LEKR1: variants seen among roughly 807,000 people sequenced by gnomAD.
LEKR1 encodes protein LEKR1.
A neutral mutation model predicts 72.4 loss-of-function variants in LEKR1; 59 were observed. The observed-to-expected ratio is 0.82, with a 90% CI of 0.66 to 1.01. The LOEUF (loss-of-function observed/expected upper bound fraction) is 1.01. Ranked by LOEUF, LEKR1 falls within the 50% of genes least tolerant of loss-of-function variation. The probability of loss-of-function intolerance (pLI) is 0.00; values close to 1 mark genes in which losing one functional copy is unlikely to be tolerated. For synonymous variants in LEKR1, 257 were observed against 263.2 expected, an observed-to-expected ratio of 0.98 and a Z score of 0.23; for missense variants, 728 against 759.2, an observed-to-expected ratio of 0.96 and a Z score of 0.48.
At chr3:156,888,506 T>C (rs1241537837) in intron 3 of LEKR1, 6 of 635,812 alleles carry the variant, frequency 9.4e-6, no homozygotes, top group Non-Finnish European at 1.7e-5. Context: ...CCAGAAGATT[T>C]TGGAGAGGCA....
At chr3:157,026,761 A>T (rs764456620) in intron 11 of LEKR1, among the ~76,000 whole-genome samples, 1 of 152,190 alleles carries the variant, frequency 6.6e-6, no homozygotes, top group Non-Finnish European at 1.5e-5. Flanking sequence ...TTGTTGTGCT[A>T]ATATTTATAA....
At chr3:156,894,483 A>G (rs1433756624) in intron 3 of LEKR1, among the ~76,000 whole-genome samples, 1 of 152,164 alleles carries the variant, frequency 6.6e-6, no homozygotes, top group Non-Finnish European at 1.5e-5. Flanking sequence ...TGTAGTCTGA[A>G]TGGTTGTGTC....
chr3:156,986,944 AGTTT>A (rs1222846120), intron 7 of LEKR1, among the ~76,000 whole-genome samples: 3 of 152,206 alleles, frequency 2.0e-5, no homozygotes, highest in Admixed American at 2.0e-4. Flanking sequence ...TCAAGGAGTT[AGTTT>A]AAGAATGGCT....
chr3:156,942,342 CTTT>C (rs928590340), intron 5 of LEKR1, among the ~76,000 whole-genome samples, 184 bp from the exon 6 acceptor site: 1 of 151,844 alleles, frequency 6.6e-6, no homozygotes, highest in Non-Finnish European at 1.5e-5. Context: ...AGCAATAAAA[CTTT>C]TTTTATCGTT....
intron 5 of LEKR1, among the ~76,000 whole-genome samples, chr3:156,940,116 T>A (rs1353016963): frequency 6.6e-6 from 1 of 152,188 alleles, no homozygotes; most frequent in Non-Finnish European, 1.5e-5. Context: ...TTAGAAGCTT[T>A]GCTCAGCAAT....
At chr3:156,987,964 A>G (rs1425834174) in intron 7 of LEKR1, among the ~76,000 whole-genome samples, 1 of 152,228 alleles carries the variant, frequency 6.6e-6, no homozygotes, top group Non-Finnish European at 1.5e-5. Context: ...AGGTAATGTC[A>G]AGTGGAAACC....
intron 12 of LEKR1, among the ~76,000 whole-genome samples, chr3:157,034,535 G>T (rs889200440): frequency 1.2e-4 from 18 of 152,150 alleles, no homozygotes; most frequent in African/African-American, 4.3e-4. Context: ...CATATAAAAA[G>T]TTACTTCTTA....
intron 3 of LEKR1, among the ~76,000 whole-genome samples, chr3:156,895,214 G>A (rs1197274477): frequency 1.3e-5 from 2 of 152,188 alleles, no homozygotes; most frequent in African/African-American, 2.4e-5. Flanking sequence ...CCATTAAAAA[G>A]TAGGCAAAGG....
intron 2 of LEKR1, among the ~76,000 whole-genome samples, chr3:156,841,751 C>T (rs1402620021): frequency 6.6e-6 from 1 of 152,166 alleles, no homozygotes; most frequent in Admixed American, 6.5e-5. Flanking sequence ...TAACTTCTTA[C>T]CTATATTTGA....
chr3:156,836,886 G>A (rs1352320495), intron 2 of LEKR1, among the ~76,000 whole-genome samples: 1 of 152,160 alleles, frequency 6.6e-6, no homozygotes, highest in African/African-American at 2.4e-5. Context: ...ACTATAAAAG[G>A]GTAGTCTTAG....
At chr3:156,881,073 T>C (rs9757845) in intron 3 of LEKR1, among the ~76,000 whole-genome samples, 50,963 of 151,956 alleles carry the variant, frequency 0.34, 11,184 homozygotes, top group African/African-American at 0.62. Flanking sequence ...GGAAGCATTC[T>C]CTTTGAAAAC....
intron 10 of LEKR1, among the ~76,000 whole-genome samples, chr3:157,016,082 G>A (rs561516441): frequency 6.6e-6 from 1 of 152,128 alleles, no homozygotes; most frequent in Admixed American, 6.5e-5. Context: ...GAACATCAGT[G>A]AGCCATGAGA....
chr3:156,940,183 G>A (rs1257713934), intron 5 of LEKR1, among the ~76,000 whole-genome samples: 2 of 152,040 alleles, frequency 1.3e-5, no homozygotes, highest in African/African-American at 4.8e-5. Context: ...AGACATCATG[G>A]TAGAAATTAT....
intron 3 of LEKR1, among the ~76,000 whole-genome samples, chr3:156,898,509 G>C (rs1237096202): frequency 1.3e-5 from 2 of 152,174 alleles, no homozygotes; most frequent in Non-Finnish European, 2.9e-5. Flanking sequence ...GCCCTCACCA[G>C]ACACCGGACC....
intron 9 of LEKR1, among the ~76,000 whole-genome samples, chr3:157,008,076 TC>T (rs914515252): frequency 2.6e-5 from 4 of 152,212 alleles, no homozygotes; most frequent in Non-Finnish European, 5.9e-5. Flanking sequence ...TTTATTCCTT[TC>T]TCTTCACTTC....
intron 6 of LEKR1, among the ~76,000 whole-genome samples, chr3:156,951,127 G>A (rs557742910): frequency 6.6e-6 from 1 of 151,704 alleles, no homozygotes; most frequent in East Asian, 1.9e-4. Context: ...TAATCATGTG[G>A]TTTTTTTCTT....
chr3:156,911,988 CT>C (rs1346368675), intron 3 of LEKR1, among the ~76,000 whole-genome samples: 1 of 151,618 alleles, frequency 6.6e-6, no homozygotes, highest in Non-Finnish European at 1.5e-5. Flanking sequence ...TATTAGGGCT[CT>C]TTTTTTATTC....
intron 6 of LEKR1, among the ~76,000 whole-genome samples, chr3:156,973,293 A>G (rs778133598): frequency 2.6e-5 from 4 of 152,110 alleles, no homozygotes; most frequent in Non-Finnish European, 5.9e-5. Context: ...TGATTCAATG[A>G]GTGTAAAGCA....
intron 3 of LEKR1, among the ~76,000 whole-genome samples, chr3:156,876,480 T>A (rs992039397): frequency 3.6e-4 from 55 of 152,320 alleles, no homozygotes; most frequent in African/African-American, 1.2e-3. Context: ...TTTCCATTTG[T>A]GTTGTCTGTG....
Sources: allele counts gnomAD v4.1 joint callset (sites outside exome capture counted in the v4.1 genomes callset), GRCh38; gene constraint gnomAD v4.1.1; transcripts MANE v1.5; gene names NCBI Gene and HGNC (gene_info 2026-07-23, HGNC 2026-07-21).